Variants in EBF1 observed in about 807,000 individuals in gnomAD.
EBF1 encodes transcription factor COE1.
In EBF1, 10 loss-of-function variants were observed where a neutral mutation model predicts 68.4. The ratio of observed to expected loss-of-function variants is 0.15; its 90% CI spans 0.09 to 0.25. The LOEUF (loss-of-function observed/expected upper bound fraction) is 0.25. Ranked by LOEUF, EBF1 falls within the 10% of genes least tolerant of loss-of-function variation. The probability of loss-of-function intolerance (pLI) is 1.00; values close to 1 mark genes in which losing one functional copy is unlikely to be tolerated. For synonymous variants in EBF1, 298 were observed against 299.8 expected, an observed-to-expected ratio of 0.99 and a Z score of 0.06; for missense variants, 509 against 794.4, an observed-to-expected ratio of 0.64 and a Z score of 4.32.
intron 6 of EBF1, among the ~76,000 whole-genome samples, chr5:158,864,388 G>A (rs956253642): frequency 2.0e-5 from 3 of 152,222 alleles, no homozygotes; most frequent in Admixed American, 1.3e-4. Flanking sequence ...AAGGGAAACT[G>A]CTGTAAAAAT....
chr5:159,064,958 C>A (rs544860264), intron 6 of EBF1, among the ~76,000 whole-genome samples: 24 of 111,326 alleles, frequency 2.2e-4, no homozygotes, highest in Non-Finnish European at 2.8e-4. Flanking sequence ...TGTGTATGTG[C>A]GTATGTGTGT....
At chr5:158,741,742 T>C (rs1766466058) in intron 10 of EBF1, among the ~76,000 whole-genome samples, 2 of 152,222 alleles carry the variant, frequency 1.3e-5, no homozygotes, top group African/African-American at 4.8e-5. Flanking sequence ...TTGATAAGTT[T>C]AGAAAACATG....
chr5:159,097,398 C>T (rs902295593), intron 1 of EBF1: 1 of 500,612 alleles, frequency 2.0e-6, no homozygotes, highest in African/African-American at 1.9e-5. Flanking sequence ...GTTTTGCGCG[C>T]GAGATGAAAC....
intron 10 of EBF1, among the ~76,000 whole-genome samples, chr5:158,759,598 G>A (rs919288157): frequency 6.6e-6 from 1 of 152,168 alleles, no homozygotes; most frequent in Non-Finnish European, 1.5e-5. Context: ...GTGTACCTGG[G>A]TGATGCTGTG....
intron 15 of EBF1, 72 bp from the exon 16 acceptor site, chr5:158,699,214 T>TA (rs377502370): frequency 0.064 from 70,181 of 1,091,080 alleles, 1 homozygote; most frequent in South Asian, 0.076. Context: ...TAATGAAGAC[T>TA]AAAAAAAAAA....
intron 6 of EBF1, among the ~76,000 whole-genome samples, chr5:158,909,744 C>T (rs1805484494): frequency 6.6e-6 from 1 of 151,944 alleles, no homozygotes; most frequent in Non-Finnish European, 1.5e-5. Context: ...CGAGACCATC[C>T]TGGCCAACAT....
At chr5:158,969,865 AAAG>A in intron 6 of EBF1, among the ~76,000 whole-genome samples, 1 of 83,678 alleles carries the variant, frequency 1.2e-5, no homozygotes, top group Non-Finnish European at 2.7e-5. Context: ...AGAAAGAAAG[AAAG>A]AAAGAAAGAA....
At chr5:159,056,498 G>A (rs553249466) in intron 6 of EBF1, among the ~76,000 whole-genome samples, 1 of 152,156 alleles carries the variant, frequency 6.6e-6, no homozygotes, top group African/African-American at 2.4e-5. Context: ...ATGAGACTAT[G>A]CCAGGGGCTA....
chr5:158,860,078 G>A (rs1794712229), intron 6 of EBF1, among the ~76,000 whole-genome samples: 1 of 152,210 alleles, frequency 6.6e-6, no homozygotes, highest in Non-Finnish European at 1.5e-5. Flanking sequence ...CACTTCCACA[G>A]TACTGCCAAT....
intron 6 of EBF1, among the ~76,000 whole-genome samples, chr5:159,049,818 C>T (rs1467597655): frequency 6.6e-6 from 1 of 152,202 alleles, no homozygotes; most frequent in Non-Finnish European, 1.5e-5. Flanking sequence ...TTACATATCA[C>T]ATCGTGTTCT....
At chr5:158,994,880 T>C (rs1188907795) in intron 6 of EBF1, among the ~76,000 whole-genome samples, 1 of 152,228 alleles carries the variant, frequency 6.6e-6, no homozygotes, top group African/African-American at 2.4e-5. Context: ...TCTAAGTTCA[T>C]TTTGATTATC....
intron 7 of EBF1, among the ~76,000 whole-genome samples, chr5:158,827,144 G>T (rs1786339746): frequency 6.6e-6 from 1 of 152,170 alleles, no homozygotes; most frequent in Admixed American, 6.5e-5. Context: ...CAGTAATAGA[G>T]TAGTAGTTGT....
At chr5:159,098,903 AAAG>A (rs953217813) in intron 1 of EBF1, among the ~76,000 whole-genome samples, 2 of 151,726 alleles carry the variant, frequency 1.3e-5, no homozygotes, top group East Asian at 1.9e-4. Flanking sequence ...GAAAAAGAAA[AAAG>A]AAAGAAAAAG....
chr5:158,768,384 A>G (rs1773194259), intron 10 of EBF1, among the ~76,000 whole-genome samples: 2 of 152,184 alleles, frequency 1.3e-5, no homozygotes, highest in African/African-American at 4.8e-5. Flanking sequence ...GATAAATAAT[A>G]TGATGTAAGA....
At chr5:158,708,212 C>T in intron 14 of EBF1, 39 bp from the exon 15 acceptor site, 1 of 1,542,580 alleles carries the variant, frequency 6.5e-7, no homozygotes, top group Non-Finnish European at 8.8e-7. Context: ...CAGTGCCTTT[C>T]ATGGCATCCT....
intron 7 of EBF1, among the ~76,000 whole-genome samples, chr5:158,838,277 C>A (rs370672236): frequency 1.3e-5 from 2 of 152,048 alleles, no homozygotes; most frequent in East Asian, 3.9e-4. Flanking sequence ...AACCCTGTCT[C>A]CACTAAAAAT....
At chr5:159,050,006 C>T (rs576842232) in intron 6 of EBF1, among the ~76,000 whole-genome samples, 2 of 152,084 alleles carry the variant, frequency 1.3e-5, no homozygotes, top group Non-Finnish European at 2.9e-5. Context: ...TTTAATTTCA[C>T]GGCATTAAAA....
At chr5:158,953,709 T>C (rs1816503109) in intron 6 of EBF1, among the ~76,000 whole-genome samples, 1 of 152,096 alleles carries the variant, frequency 6.6e-6, no homozygotes, top group Admixed American at 6.6e-5. Flanking sequence ...CATGAAAGCT[T>C]GAGAGATTTG....
chr5:159,066,735 T>C (rs1776872933), intron 6 of EBF1, among the ~76,000 whole-genome samples: 1 of 152,144 alleles, frequency 6.6e-6, no homozygotes, highest in African/African-American at 2.4e-5. Flanking sequence ...TTCTTTTGCT[T>C]CTGGACAAAG....
Sources: allele counts gnomAD v4.1 joint callset (sites outside exome capture counted in the v4.1 genomes callset), GRCh38; gene constraint gnomAD v4.1.1; transcripts MANE v1.5; gene names NCBI Gene and HGNC (gene_info 2026-07-23, HGNC 2026-07-21).